The following ARHGAP26 variants were observed in gnomAD, a reference collection of about 807,000 sequenced individuals.
ARHGAP26 encodes Rho GTPase activating protein 26.
In ARHGAP26, 38 loss-of-function variants were observed where a neutral mutation model predicts 104.8. The ratio of observed to expected loss-of-function variants is 0.36; its 90% CI spans 0.28 to 0.48. The LOEUF is 0.48. ARHGAP26 is among the 20% of genes least tolerant of loss of function. ARHGAP26 has a pLI of 0.99. For synonymous variants in ARHGAP26, 341 were observed against 340.0 expected, an observed-to-expected ratio of 1.00 and a Z score of -0.03; for missense variants, 704 against 947.9, an observed-to-expected ratio of 0.74 and a Z score of 3.38.
intron 11 of ARHGAP26, among the ~76,000 whole-genome samples, chr5:143,007,750 C>T (rs777597186): frequency 2.8e-4 from 42 of 152,248 alleles, no homozygotes; most frequent in African/African-American, 8.7e-4. Context: ...TTCGTTTAAA[C>T]GCTTAGTATG....
intron 1 of ARHGAP26, among the ~76,000 whole-genome samples, chr5:142,808,199 C>T (rs1310528192): frequency 8.1e-6 from 1 of 122,958 alleles, no homozygotes; most frequent in Non-Finnish European, 1.6e-5. Context: ...CACACCACTG[C>T]ACTCCAGCCT....
In ARHGAP26 at chr5:142,969,785, TGAG is replaced by T. The variant is rs539004278; in HGVS notation, c.1107+37664_1107+37666del. Among the ~76,000 whole-genome samples the T allele has an allele frequency of 2.3e-3, 348 of 152,222 alleles. 1 individual carries two copies. Among genetic ancestry groups the T allele is most frequent in the Non-Finnish European group, 4.1e-3 (276 of 68,014 alleles). On this transcript the variant is annotated intron_variant, in intron 11 of 22. Coordinates refer to ENST00000645722, the MANE Select transcript of ARHGAP26 (RefSeq NM_001135608.3). Reference sequence around the variant, plus strand: ...GTCAGTGTATCACGGCCCCTGAAGATGAGGAGTATGGGTTGAGGACCTCTGTAC... The same window carrying T: ...GTCAGTGTATCACGGCCCCTGAAGATGAGTATGGGTTGAGGACCTCTGTAC...
chr5:142,815,149 C>A (rs189814180), intron 1 of ARHGAP26, among the ~76,000 whole-genome samples: 1 of 152,094 alleles, frequency 6.6e-6, no homozygotes, highest in Non-Finnish European at 1.5e-5. Flanking sequence ...TACAGACCAG[C>A]GCTGCTACAC....
At chr5:142,984,828 G>A (rs1774435073) in intron 11 of ARHGAP26, among the ~76,000 whole-genome samples, 1 of 152,036 alleles carries the variant, frequency 6.6e-6, no homozygotes, top group Non-Finnish European at 1.5e-5. Context: ...TAGAGCACAT[G>A]CAATACTTGA....
intron 19 of ARHGAP26, among the ~76,000 whole-genome samples, chr5:143,143,628 C>A (rs1313902340): frequency 6.6e-6 from 1 of 152,160 alleles, no homozygotes; most frequent in Non-Finnish European, 1.5e-5. Context: ...CCTTTCTGTT[C>A]CAGCAGCATA....
intron 11 of ARHGAP26, among the ~76,000 whole-genome samples, chr5:142,968,323 A>G (rs1223080867): frequency 3.9e-5 from 6 of 152,234 alleles, no homozygotes; most frequent in African/African-American, 1.4e-4. Flanking sequence ...TACACTGCAC[A>G]GTTGCGCCTG....
intron 1 of ARHGAP26, among the ~76,000 whole-genome samples, chr5:142,777,941 A>T (rs565605574): frequency 2.2e-4 from 33 of 152,332 alleles, no homozygotes; most frequent in South Asian, 8.3e-4. Context: ...TAAAAAGATT[A>T]TGTAGGCAGC....
rs536503609 is a variant in ARHGAP26 at position 142,925,270 on chromosome 5, T to G, written c.1029-6777T>G. 3.3e-5 allele frequency among the ~76,000 whole-genome samples: 5 copies of G among 152,324 alleles called. No individual in the cohort carries two copies. In the East Asian group the frequency reaches 9.6e-4, roughly 29 times the overall value. ...CAGCTTTTTTGCTTTGCACTTGCAC[T>G]GTTGTTTTTCCCACAGAGGGGAGAT... On this transcript the variant is annotated intron_variant, in intron 10 of 22. Transcript: ENST00000645722.
chr5:142,778,376 A>G, intron 1 of ARHGAP26, among the ~76,000 whole-genome samples: 1 of 151,756 alleles, frequency 6.6e-6, no homozygotes, highest in Admixed American at 6.6e-5. Context: ...GTGTAAAAGC[A>G]CCCCCTTTTC....
At position 143,184,121 on chromosome 5, in the gene ARHGAP26, A is replaced by G. The variant is rs193038094; in HGVS notation, c.1989-23077A>G. On this transcript the variant is annotated intron_variant, in intron 20 of 22. Transcript: ENST00000645722. ...CAAATGCTGACAGTCTGAATATTACATTATCTATTTCAACAAATAAACCTT... is the reference window on the plus strand; with the variant it reads ...CAAATGCTGACAGTCTGAATATTACGTTATCTATTTCAACAAATAAACCTT... 3.4e-4 allele frequency among the ~76,000 whole-genome samples: 52 copies of G among 152,310 alleles called. 2 individuals carry two copies. Among genetic ancestry groups the G allele is most frequent in the Admixed American group, 3.1e-3 (47 of 15,302 alleles).
At chr5:142,816,432 A>G (rs1333893481) in intron 1 of ARHGAP26, among the ~76,000 whole-genome samples, 1 of 152,210 alleles carries the variant, frequency 6.6e-6, no homozygotes, top group Non-Finnish European at 1.5e-5. Flanking sequence ...ACACAATTAA[A>G]TAGTGCCATA....
At chr5:142,830,381 G>A (rs773791772) in intron 1 of ARHGAP26, among the ~76,000 whole-genome samples, 8 of 152,120 alleles carry the variant, frequency 5.3e-5, no homozygotes, top group Admixed American at 6.5e-5. Context: ...AAATTATTTT[G>A]TGGTGATAAT....
chr5:142,896,773 C>T (rs1227090742), intron 6 of ARHGAP26, among the ~76,000 whole-genome samples: 1 of 152,178 alleles, frequency 6.6e-6, no homozygotes, highest in Admixed American at 6.5e-5. Flanking sequence ...CATTTACTAG[C>T]TGTGTGTTCT....
intron 1 of ARHGAP26, among the ~76,000 whole-genome samples, chr5:142,801,547 G>A (rs1488434244): frequency 6.6e-6 from 1 of 151,450 alleles, no homozygotes; most frequent in African/African-American, 2.4e-5. Flanking sequence ...AAAAGAGTGG[G>A]TACCTTGTCT....
intron 20 of ARHGAP26, among the ~76,000 whole-genome samples, chr5:143,189,456 A>C (rs968814680): frequency 6.6e-6 from 1 of 152,086 alleles, no homozygotes; most frequent in Admixed American, 6.5e-5. Context: ...CTGCTTTCAC[A>C]CTGCCTTGAT....
intron 11 of ARHGAP26, among the ~76,000 whole-genome samples, chr5:142,971,652 G>T (rs1772291940): frequency 1.3e-5 from 2 of 151,910 alleles, no homozygotes; most frequent in Admixed American, 6.6e-5. Context: ...CATTCTTTCT[G>T]CCAAAAAAGT....
At chr5:143,085,120 C>T (rs1352771431) in intron 17 of ARHGAP26, among the ~76,000 whole-genome samples, 2 of 150,906 alleles carry the variant, frequency 1.3e-5, no homozygotes, top group Non-Finnish European at 2.9e-5. Context: ...ATGCGTTGTG[C>T]GAATTGTGGT....
chr5:143,017,563 T>C (rs189631663), intron 12 of ARHGAP26, among the ~76,000 whole-genome samples: 1 of 152,356 alleles, frequency 6.6e-6, no homozygotes, highest in East Asian at 1.9e-4. Flanking sequence ...AGTTCTTTTT[T>C]CTAAAATGTG....
At chr5:143,184,342 T>A (rs1373411040) in intron 20 of ARHGAP26, among the ~76,000 whole-genome samples, 1 of 152,090 alleles carries the variant, frequency 6.6e-6, no homozygotes, top group Non-Finnish European at 1.5e-5. Context: ...TCCTTTTGTC[T>A]CTCCCGTAAA....
Sources: gnomAD v4.1 joint callset for allele counts (sites outside exome capture counted in the v4.1 genomes callset) on GRCh38, gnomAD v4.1.1 for gene constraint, MANE v1.5 for transcripts, NCBI Gene and HGNC (gene_info 2026-07-23, HGNC 2026-07-21) for gene names.